Variants in PEMT observed in about 807,000 individuals in gnomAD.
PEMT encodes the protein phospholipid methyltransferase.
In PEMT, 23 loss-of-function variants were observed where a neutral mutation model predicts 27.4. The observed-to-expected ratio is 0.84, with a 90% CI of 0.60 to 1.19. The LOEUF is 1.19. Among genes scored for constraint, PEMT ranks in the 50% most tolerant of loss-of-function variants. The pLI is 0.00. For missense variants in PEMT, 307 were observed against 310.1 expected, an observed-to-expected ratio of 0.99 and a Z score of 0.07; for synonymous variants, 137 against 139.1, an observed-to-expected ratio of 0.98 and a Z score of 0.11.
chr17:17,508,794 T>C (rs1379830450), intron 5 of PEMT: 14 of 466,342 alleles, frequency 3.0e-5, no homozygotes, highest in Non-Finnish European at 4.9e-5. Flanking sequence ...GCTTCCCTCA[T>C]GGCACGGGGC....
chr17:17,576,855 C>T, intron 2 of PEMT, 65 bp downstream of exon 2: 1 of 1,325,212 alleles, frequency 7.5e-7, no homozygotes, highest in South Asian at 1.2e-5. Flanking sequence ...CCGCGATCCC[C>T]TGCATGTGGG....
chr17:17,529,592 A>G (rs1907943147), intron 2 of PEMT, among the ~76,000 whole-genome samples: 1 of 152,178 alleles, frequency 6.6e-6, no homozygotes, highest in Non-Finnish European at 1.5e-5. Flanking sequence ...CCACTTCCAG[A>G]CAACCTGCAC....
intron 6 of PEMT, 113 bp downstream of exon 6, chr17:17,506,114 C>T: frequency 9.5e-7 from 1 of 1,052,086 alleles, no homozygotes; most frequent in Middle Eastern, 2.1e-4. Context: ...CTGGAGTGGG[C>T]CTGGCTGACG....
At chr17:17,584,000 C>T (rs995084096) in intron 1 of PEMT, among the ~76,000 whole-genome samples, 2 of 152,192 alleles carry the variant, frequency 1.3e-5, no homozygotes, top group African/African-American at 2.4e-5. Flanking sequence ...ACAAGTGTGA[C>T]CTGCACCAAA....
chr17:17,587,819 T>C (rs1912395106), intron 1 of PEMT, among the ~76,000 whole-genome samples: 2 of 152,120 alleles, frequency 1.3e-5, no homozygotes. Flanking sequence ...GAGGTTGCAA[T>C]GAGCTGGTAT....
intron 5 of PEMT, among the ~76,000 whole-genome samples, chr17:17,506,809 T>G (rs527876596): frequency 3.9e-5 from 6 of 152,152 alleles, no homozygotes; most frequent in Admixed American, 1.3e-4. Context: ...TGCAACCCCA[T>G]GGCCACGCCC....
At chr17:17,507,344 C>T (rs1301613621) in intron 5 of PEMT, 5 of 678,832 alleles carry the variant, frequency 7.4e-6, no homozygotes, top group African/African-American at 5.4e-5. Flanking sequence ...GCTGCCCCCT[C>T]CCCAGCCAAA....
In PEMT at chr17:17,582,187, G is replaced by C; in HGVS notation, c.97-5160C>G. The C allele has an allele frequency of 1.2e-6, 1 of 838,894 alleles. No homozygotes were observed. Among genetic ancestry groups the C allele is most frequent in the Non-Finnish European group, 1.4e-6 (1 of 696,258 alleles). 52.0% of individuals were successfully genotyped at this position (838,894 alleles called of 1,614,324 possible). ...AGAGGTCCCGGCTTTCTGCTACCCA[G>C]TAATTCTAATGGAACCCCCACTCCA... On this transcript the variant is annotated intron_variant, in intron 1 of 6. Coordinates refer to ENST00000255389, the MANE Select transcript of PEMT (RefSeq NM_148172.3). The surrounding 1 kb of genome is among the most constrained non-coding windows in gnomAD (Gnocchi z 4.9).
chr17:17,535,708 G>A (rs1908416558), intron 2 of PEMT, among the ~76,000 whole-genome samples: 1 of 152,268 alleles, frequency 6.6e-6, no homozygotes, highest in Non-Finnish European at 1.5e-5. Flanking sequence ...TGAAGGGGAA[G>A]AGGCGGAGAG....
chr17:17,546,567 CG>C (rs1255822196), intron 2 of PEMT, among the ~76,000 whole-genome samples: 1 of 152,272 alleles, frequency 6.6e-6, no homozygotes, highest in South Asian at 2.1e-4. Context: ...TACAAGATAA[CG>C]GGATGGCATC....
rs142541489 is a variant in PEMT, at chr17:17,544,065, C to T, written c.205-21670G>A. ...TGGCAGCTTAGAGGGCAGACGTGGT[C>T]GGTGAGGGGGGCACTGGACGGGGGT... On this transcript the variant is annotated intron_variant, in intron 2 of 6. Coordinates refer to ENST00000255389, the MANE Select transcript of PEMT (RefSeq NM_148172.3). 6.6e-5 allele frequency among the ~76,000 whole-genome samples: 10 copies of T among 151,898 alleles called. No individual in the cohort carries two copies. The East Asian group carries it at 1.6e-3, about 24-fold the overall frequency.
In PEMT at chr17:17,591,554, G is replaced by A; in HGVS notation, c.73C>T (p.Leu25Phe). The A allele has an allele frequency of 6.2e-7, 1 of 1,613,586 alleles. No individual in the cohort carries two copies. The highest frequency in any genetic ancestry group is 8.5e-7 in the Non-Finnish European group (1 of 1,179,668). The change falls in exon 1 of 7, where the codon CTC becomes TTC. Residue 25 changes from leucine to phenylalanine, a missense_variant. Physicochemically the swap from Leu to Phe is conservative, Grantham distance 22. Transcript: ENST00000255389. ...SVAGPDCCGG[L>F]GNIDFRQADF... The stretch of plus-strand genomic sequence containing the variant: ...ACCTGTCTAAAATCAATATTGCCGA[G>A]GCCTCCGCAGCAGTCAGGCCCTGCC...
rs554050096 is a variant in PEMT, at chr17:17,570,699, C to T, written c.204+6221G>A. 6.1e-6 allele frequency: 6 copies of T among 985,358 alleles called. No individual in the cohort carries two copies. The African/African-American group carries it at 1.0e-4, about 17-fold the overall frequency. 61.0% of individuals were successfully genotyped at this position (985,358 alleles called of 1,614,324 possible). On this transcript the variant is annotated intron_variant, in intron 2 of 6. Coordinates refer to ENST00000255389, the MANE Select transcript of PEMT (RefSeq NM_148172.3). ...CGCCTGCCAGAAGGGCCTCCCGGGA[C>T]AGGGGAAAAGTTCCATTTCCTGGAA...
chr17:17,527,296 C>T (rs572820287), intron 2 of PEMT, among the ~76,000 whole-genome samples: 24 of 152,350 alleles, frequency 1.6e-4, no homozygotes, highest in Middle Eastern at 3.4e-3. Flanking sequence ...CTCGGCCTCT[C>T]AAAGTGCTGG....
At chr17:17,558,834 G>T (rs74997466) in intron 2 of PEMT, among the ~76,000 whole-genome samples, 9,098 of 152,094 alleles carry the variant, frequency 0.06, 383 homozygotes, top group East Asian at 0.14. Context: ...CCCTCCCAGA[G>T]CCTGCCCCCA....
intron 2 of PEMT, among the ~76,000 whole-genome samples, chr17:17,554,424 A>G (rs1316304505): frequency 6.6e-6 from 1 of 152,094 alleles, no homozygotes; most frequent in East Asian, 1.9e-4. Flanking sequence ...GGCAAGCAGT[A>G]CAGGAACGTG....
intron 2 of PEMT, among the ~76,000 whole-genome samples, chr17:17,546,890 T>C (rs867136263): frequency 6.6e-6 from 1 of 152,254 alleles, no homozygotes; most frequent in South Asian, 2.1e-4. Context: ...GTGCTGACCC[T>C]CTCCATTTAA....
chr17:17,585,411 A>G (rs1042585049), intron 1 of PEMT, among the ~76,000 whole-genome samples: 6 of 152,192 alleles, frequency 3.9e-5, no homozygotes, highest in Non-Finnish European at 7.3e-5. Flanking sequence ...AAGGGTGGAA[A>G]AGACAAATCC....
intron 2 of PEMT, among the ~76,000 whole-genome samples, chr17:17,552,535 C>A (rs1909733044): frequency 1.3e-5 from 2 of 152,210 alleles, no homozygotes; most frequent in African/African-American, 2.4e-5. Flanking sequence ...ACCCGCGGCG[C>A]ACCCAAGCCC....
Sources: allele counts gnomAD v4.1 joint callset (sites outside exome capture counted in the v4.1 genomes callset), GRCh38; gene constraint gnomAD v4.1.1; non-coding constraint Gnocchi (gnomAD v3.1); transcripts MANE v1.5; gene names NCBI Gene and HGNC (gene_info 2026-07-23, HGNC 2026-07-21).